Variants in CACNG2 observed in about 807,000 individuals in gnomAD.
The protein encoded by CACNG2 is calcium voltage-gated channel auxiliary subunit gamma 2.
CACNG2 carries 3 observed loss-of-function variants against 25.9 expected under a neutral mutation model. That is an observed-to-expected ratio of 0.12 (90% CI 0.05 to 0.30). The LOEUF (loss-of-function observed/expected upper bound fraction) is 0.30, where lower values mean the gene tolerates loss of function less well. Among genes scored for constraint, CACNG2 ranks in the 10% least tolerant of loss-of-function variants. The pLI is 1.00. For missense variants in CACNG2, 341 were observed against 432.5 expected (o/e 0.79, Z 1.88); for synonymous variants, 167 against 173.3 (o/e 0.96, Z 0.29).
At chr22:36,615,683 G>A (rs1211981219) in intron 1 of CACNG2, among the ~76,000 whole-genome samples, 1 of 152,090 alleles carries the variant, frequency 6.6e-6, no homozygotes, top group Non-Finnish European at 1.5e-5. Context: ...GACGATCCAC[G>A]AGGGCGGGGC....
At chr22:36,693,192 G>A (rs980626029) in intron 1 of CACNG2, among the ~76,000 whole-genome samples, 1 of 152,138 alleles carries the variant, frequency 6.6e-6, no homozygotes, top group Non-Finnish European at 1.5e-5. Context: ...CTGTAGACAG[G>A]GTGGTCAGGA....
intron 1 of CACNG2, among the ~76,000 whole-genome samples, chr22:36,651,171 G>A (rs1281582328): frequency 6.8e-6 from 1 of 147,840 alleles, no homozygotes; most frequent in Non-Finnish European, 1.5e-5. Context: ...CCTTGTAGTT[G>A]GTTTAACGCT....
rs1372069966 is a variant in CACNG2 at position 36,606,971 on chromosome 22, CTGTGTGTGGTGTGTTTGTA to C, written c.212-19442_212-19424del. On this transcript the variant is annotated intron_variant, in intron 1 of 3. Coordinates refer to ENST00000300105, the MANE Select transcript of CACNG2 (RefSeq NM_006078.5). The surrounding 1 kb of genome is among the most constrained non-coding windows in gnomAD (Gnocchi z 5.7). ...GTGTGTGTAGGTATTATGTGTATGTCTGTGTGTGGTGTGTTTGTATGTGTGTGGTGTGTGTGTATGTCTG... is the reference window on the plus strand; with the variant it reads ...GTGTGTGTAGGTATTATGTGTATGTCTGTGTGTGGTGTGTGTGTATGTCTG... Among the ~76,000 whole-genome samples, 3 of 150,022 alleles carry C rather than the reference CTGTGTGTGGTGTGTTTGTA, an allele frequency of 2.0e-5. No homozygotes were observed. The highest frequency in any genetic ancestry group is 3.0e-5 in the Non-Finnish European group (2 of 67,400).
intron 1 of CACNG2, among the ~76,000 whole-genome samples, chr22:36,631,908 A>T (rs1936278403): frequency 6.6e-6 from 1 of 152,118 alleles, no homozygotes; most frequent in Non-Finnish European, 1.5e-5. Flanking sequence ...AGGTGGAAAA[A>T]GGACTCCAAT....
chr22:36,639,536 C>A (rs1170162042), intron 1 of CACNG2, among the ~76,000 whole-genome samples: 1 of 152,168 alleles, frequency 6.6e-6, no homozygotes, highest in Non-Finnish European at 1.5e-5. Flanking sequence ...TCTCTTCTTC[C>A]CAGAATGGTA....
At chr22:36,630,292 C>G (rs543129812) in intron 1 of CACNG2, among the ~76,000 whole-genome samples, 1 of 151,970 alleles carries the variant, frequency 6.6e-6, no homozygotes, top group Admixed American at 6.6e-5. Context: ...AAGCTGTGGG[C>G]GTGGACAGGA....
chr22:36,688,788 G>A (rs2256234), intron 1 of CACNG2, among the ~76,000 whole-genome samples: 46,951 of 151,928 alleles, frequency 0.31, 7,439 homozygotes, highest in African/African-American at 0.37. Context: ...GTGGTCTGCA[G>A]ACCTGTGGCA....
chr22:36,632,698 G>A (rs566861365), intron 1 of CACNG2, among the ~76,000 whole-genome samples: 15 of 151,930 alleles, frequency 9.9e-5, no homozygotes, highest in Admixed American at 7.9e-4. Flanking sequence ...ACTTGCCTTC[G>A]GGCACCCCCT....
Position 36,562,579 on chromosome 22 carries a change from T to A in CACNG2, c.*1772A>T, listed in dbSNP as rs1230851220. The A allele has an allele frequency of 6.6e-6, 1 of 151,796 alleles. No individual in the cohort carries two copies. The highest frequency in any genetic ancestry group is 1.5e-5 in the Non-Finnish European group (1 of 67,980). 9.4% of individuals were successfully genotyped at this position (151,796 alleles called of 1,614,324 possible). On this transcript the variant is annotated 3_prime_UTR_variant, in exon 4 of 4. Coordinates refer to ENST00000300105, the MANE Select transcript of CACNG2 (RefSeq NM_006078.5). ...AATGAACACAAAGGCCAGTGTGGAG[T>A]TGTTGTCGTCCATGGCTTTGGAGGG...
chr22:36,593,372 G>T (rs985103825), intron 1 of CACNG2, among the ~76,000 whole-genome samples: 1 of 152,178 alleles, frequency 6.6e-6, no homozygotes, highest in Non-Finnish European at 1.5e-5. Context: ...ACTGAATGGC[G>T]GCGGCCATGA....
chr22:36,613,968 C>A (rs1418912445), intron 1 of CACNG2, among the ~76,000 whole-genome samples: 4 of 152,128 alleles, frequency 2.6e-5, no homozygotes, highest in Non-Finnish European at 4.4e-5. Context: ...CCAACCGTTC[C>A]CTGCACTCTC....
At chr22:36,679,189 C>CTTT (rs1937058688) in intron 1 of CACNG2, among the ~76,000 whole-genome samples, 94 of 69,338 alleles carry the variant, frequency 1.4e-3, no homozygotes, top group African/African-American at 4.4e-3. Flanking sequence ...TTCCTTCCTT[C>CTTT]CTTCCTTCCT....
chr22:36,685,652 T>G (rs1469160187), intron 1 of CACNG2, among the ~76,000 whole-genome samples: 1 of 152,204 alleles, frequency 6.6e-6, no homozygotes. Flanking sequence ...GAAACAGATC[T>G]TTCCGGCCTG....
At chr22:36,631,395 G>A (rs555398505) in intron 1 of CACNG2, among the ~76,000 whole-genome samples, 1 of 152,262 alleles carries the variant, frequency 6.6e-6, no homozygotes, top group South Asian at 2.1e-4. Context: ...TGAAACAACT[G>A]CCTCTCAGCC....
chr22:36,613,846 T>C (rs533445098), intron 1 of CACNG2, among the ~76,000 whole-genome samples: 2 of 152,076 alleles, frequency 1.3e-5, no homozygotes, highest in Non-Finnish European at 2.9e-5. Context: ...CATGCCTTCC[T>C]CCAGCCCATT....
chr22:36,629,785 C>T (rs962203934), intron 1 of CACNG2, among the ~76,000 whole-genome samples: 1 of 152,134 alleles, frequency 6.6e-6, no homozygotes. Flanking sequence ...GTGAAGAAGA[C>T]AGAGAAAGTC....
chr22:36,672,745 T>C (rs1412197062), intron 1 of CACNG2, among the ~76,000 whole-genome samples: 1 of 152,146 alleles, frequency 6.6e-6, no homozygotes, highest in Non-Finnish European at 1.5e-5. Flanking sequence ...ACTCCCCACA[T>C]AAACACCCCA....
At chr22:36,644,604 C>T (rs543920848) in intron 1 of CACNG2, among the ~76,000 whole-genome samples, 2 of 152,262 alleles carry the variant, frequency 1.3e-5, no homozygotes, top group East Asian at 3.8e-4. Flanking sequence ...ACAGGTAATG[C>T]TAATACTGAG....
At chr22:36,565,459 A>C (rs2145904397) in intron 3 of CACNG2, among the ~76,000 whole-genome samples, 1 of 150,526 alleles carries the variant, frequency 6.6e-6, no homozygotes, top group South Asian at 2.1e-4. Context: ...AATACATGTG[A>C]GTACTCTTAG....
Sources: allele counts gnomAD v4.1 joint callset (sites outside exome capture counted in the v4.1 genomes callset), GRCh38; gene constraint gnomAD v4.1.1; non-coding constraint Gnocchi (gnomAD v3.1); transcripts MANE v1.5; gene names NCBI Gene and HGNC (gene_info 2026-07-23, HGNC 2026-07-21).